Variants in DDX50 observed in about 807,000 individuals in gnomAD.
DDX50 encodes ATP-dependent RNA helicase DDX50.
Under a neutral mutation model 94.8 loss-of-function variants are expected in DDX50, and 56 were observed. The observed-to-expected ratio is 0.59, with a 90% CI of 0.48 to 0.74. The LOEUF is 0.74. Ranked by LOEUF, DDX50 falls within the 30% of genes least tolerant of loss-of-function variation. The probability of loss-of-function intolerance (pLI) is 0.00; values close to 1 mark genes in which losing one functional copy is unlikely to be tolerated. For missense variants in DDX50, 713 were observed against 881.2 expected (o/e 0.81, Z 2.42); for synonymous variants, 264 against 295.4 (o/e 0.89, Z 1.09).
intron 1 of DDX50, chr10:68,906,162 A>G (rs1445408338): frequency 6.6e-6 from 1 of 152,564 alleles, no homozygotes; most frequent in Admixed American, 6.5e-5. Flanking sequence ...AAATTTTGCC[A>G]TCAAATGAGT....
intron 1 of DDX50, among the ~76,000 whole-genome samples, chr10:68,904,621 C>T (rs1467075265): frequency 6.6e-6 from 1 of 152,162 alleles, no homozygotes; most frequent in Admixed American, 6.5e-5. Flanking sequence ...GAGTGCCAAG[C>T]ATTGTGGGTC....
chr10:68,926,225 CAGAT>C (rs948504225), intron 8 of DDX50, among the ~76,000 whole-genome samples: 4 of 124,192 alleles, frequency 3.2e-5, no homozygotes, highest in Admixed American at 1.8e-4. Context: ...CCTTTATAAA[CAGAT>C]AGATGGTAAA....
At chr10:68,907,403 C>T (rs1166620115) in intron 2 of DDX50, among the ~76,000 whole-genome samples, 3 of 149,660 alleles carry the variant, frequency 2.0e-5, no homozygotes, top group African/African-American at 4.9e-5. Context: ...GCAACCTCTG[C>T]CTCCCGGGTT....
chr10:68,901,534 G>C (rs1046729527), intron 1 of DDX50, 63 bp downstream of exon 1: 2 of 1,499,744 alleles, frequency 1.3e-6, no homozygotes, highest in Non-Finnish European at 1.8e-6. Context: ...GAGGGGAACT[G>C]TCTGTCCCTG....
At chr10:68,945,387 A>G (rs1842648240) in intron 14 of DDX50, among the ~76,000 whole-genome samples, 1 of 151,914 alleles carries the variant, frequency 6.6e-6, no homozygotes, top group African/African-American at 2.4e-5. Context: ...GCTCACTGCA[A>G]CCTCTGCCTC....
In DDX50 at chr10:68,920,038, G is replaced by A. The variant is rs569293444; in HGVS notation, c.1239+57G>A. ...AAATTATGGGGATGAATCACTGAAC[G>A]AAAATTATATTGTCCTTTGTGGACC... On this transcript the variant is annotated intron_variant, in intron 8 of 14. Transcript: ENST00000373585. 40 of 1,599,164 alleles carry A rather than the reference G, an allele frequency of 2.5e-5. 1 individual carries two copies. In the South Asian group the frequency reaches 3.2e-4, roughly 13 times the overall value.
chr10:68,907,551 A>C (rs1368635051), intron 2 of DDX50, among the ~76,000 whole-genome samples: 1 of 151,920 alleles, frequency 6.6e-6, no homozygotes, highest in Admixed American at 6.6e-5. Context: ...CCTGACCTCA[A>C]AGTGATCCAC....
intron 8 of DDX50, among the ~76,000 whole-genome samples, chr10:68,931,860 G>C (rs10400179): frequency 0.14 from 21,224 of 151,934 alleles, 2,889 homozygotes; most frequent in African/African-American, 0.36. Flanking sequence ...TCCCTTTTCA[G>C]TCTGTTCCAG....
rs371866571 is a variant in DDX50, at chr10:68,936,025, T to C, written c.1541T>C (p.Val514Ala). Residue 514 changes from valine to alanine, a missense_variant, in exon 11 of 15, where the codon GTA becomes GCA. Around this residue, in one of 2 missense-constraint regions of DDX50, gnomAD observed 428 missense variants for 602.3 expected, o/e 0.71. Coordinates refer to ENST00000373585, the MANE Select transcript of DDX50 (RefSeq NM_024045.2). ...TTTCAGGGAATTACTTTTAAACGTG[T>C]AGGTGTTCCTTCTACAATGGATTTA... ...EQKAGITFKRVGVPSTMDLVK... is the reference protein window; with the variant it reads ...EQKAGITFKRAGVPSTMDLVK... 6.2e-7 allele frequency: 1 copy of C among 1,609,630 alleles called. No homozygotes were observed. The highest frequency in any genetic ancestry group is 1.3e-5 in the African/African-American group (1 of 74,732).
At chr10:68,925,408 C>T (rs997852410) in intron 8 of DDX50, among the ~76,000 whole-genome samples, 3 of 152,066 alleles carry the variant, frequency 2.0e-5, no homozygotes, top group African/African-American at 7.2e-5. Context: ...CCGCGCCCAG[C>T]CTCTGCTTAT....
rs12416542 is a variant in DDX50, at chr10:68,929,315, T to C, written c.1240-4884T>C. Among the ~76,000 whole-genome samples, 1,099 of 128,092 alleles carry C rather than the reference T, an allele frequency of 8.6e-3. 11 individuals are homozygous for C. Among genetic ancestry groups the C allele is most frequent in the African/African-American group, 0.031 (1,003 of 31,954 alleles). The allele number at this position is 128,092 out of a possible 152,430, so 84.0% of individuals were successfully genotyped here. A position where few individuals can be genotyped will look rare whatever the true frequency, so the allele number is the denominator to read the frequency against. ...TTCCTCTCTCTCTCTCTCTCTCTCT[T>C]TCTTTCTCTTTCTTTCTTTCCTTCC... On this transcript the variant is annotated intron_variant, in intron 8 of 14. Transcript: ENST00000373585.
In DDX50 at chr10:68,913,522, G is replaced by T. The variant is rs1336780216; in HGVS notation, c.889G>T (p.Asp297Tyr). Residue 297 changes from aspartate (D) to tyrosine (Y), a missense_variant, in exon 6 of 15, where the codon GAT becomes TAT. Physicochemically the swap from Asp to Tyr is radical, Grantham distance 160. Coordinates refer to ENST00000373585, the MANE Select transcript of DDX50 (RefSeq NM_024045.2). ...GCTTGATGAAGTGGATCAGATGTTA[G>T]ATTTAGGTTTCGCTGAACAAGTTGA... ...VVLDEVDQML[D>Y]LGFAEQVEDI... 1.2e-6 allele frequency: 2 copies of T among 1,613,810 alleles called. No homozygotes were observed. Among genetic ancestry groups the T allele is most frequent in the Non-Finnish European group, 1.7e-6 (2 of 1,179,966 alleles).
intron 8 of DDX50, among the ~76,000 whole-genome samples, chr10:68,929,292 C>CCTTCCTTCCTTCCTTCCTTCCTTCCT (rs1554836333): frequency 8.2e-6 from 1 of 122,546 alleles, no homozygotes; most frequent in African/African-American, 3.1e-5. Context: ...TTCCTTCCTT[C>CCTTCCTTCCTTCCTTCCTTCCTTCCT]CTCTCTCTCT....
At position 68,914,171 on chromosome 10, in the gene DDX50, A is replaced by G. The variant is rs143250243; in HGVS notation, c.1056A>G (p.Gly352=). 1.9e-5 allele frequency: 30 copies of G among 1,610,270 alleles called. No individual in the cohort carries two copies. The African/African-American group carries it at 3.5e-4, about 19-fold the overall frequency. Residue 352 remains glycine, a synonymous_variant, in exon 7 of 15, where the codon GGA becomes GGG. Coordinates refer to ENST00000373585, the MANE Select transcript of DDX50 (RefSeq NM_024045.2). ...KSRYEQVDLV[G]KMTQKAATTV... ...GATATGAACAGGTTGACCTTGTTGG[A>G]AAAATGACTCAAAAGGCTGCAACTA...
Position 68,911,492 on chromosome 10 carries a change from A to T in DDX50, c.639+246A>T, listed in dbSNP as rs577781789. ...TAATTTCATGAATTATAAAGCCGGT[A>T]TATCTTATTTACAGTTTTTATATTT... On this transcript the variant is annotated intron_variant, in intron 4 of 14. Transcript: ENST00000373585. 5.3e-5 allele frequency among the ~76,000 whole-genome samples: 8 copies of T among 152,322 alleles called. No homozygotes were observed. The East Asian group carries it at 1.5e-3, about 29-fold the overall frequency.
rs1351103082 is a variant in DDX50 at position 68,901,430 on chromosome 10, C to T, written c.46C>T (p.Pro16Ser). The T allele has an allele frequency of 2.5e-6, 4 of 1,575,928 alleles. No homozygotes were observed. Among genetic ancestry groups the T allele is most frequent in the South Asian group, 1.2e-5 (1 of 85,684 alleles). ...GGGGGACATTATGGAGCTGGAAGCA[C>T]CCTTGGAGGAGTCCGAGAGCCAGAA... ...LWGDIMELEA[P>S]LEESESQKKE... Residue 16 changes from proline to serine, a missense_variant, in exon 1 of 15, where the codon CCC becomes TCC. Transcript: ENST00000373585.
chr10:68,932,716 T>C (rs907166796), intron 8 of DDX50, among the ~76,000 whole-genome samples: 8 of 152,130 alleles, frequency 5.3e-5, no homozygotes, highest in Non-Finnish European at 7.4e-5. Flanking sequence ...CTACCTAATA[T>C]AAATAGGTTC....
intron 7 of DDX50, among the ~76,000 whole-genome samples, chr10:68,919,520 T>C (rs1045412408): frequency 6.6e-6 from 1 of 152,256 alleles, no homozygotes; most frequent in African/African-American, 2.4e-5. Context: ...GGAATGATAC[T>C]GTATGTGCTC....
chr10:68,926,890 C>G (rs1055267033), intron 8 of DDX50, among the ~76,000 whole-genome samples: 3 of 151,276 alleles, frequency 2.0e-5, no homozygotes, highest in Admixed American at 1.3e-4. Flanking sequence ...CCTCTTAGGA[C>G]AAATTATCAA....
Sources: allele counts gnomAD v4.1 joint callset (sites outside exome capture counted in the v4.1 genomes callset), GRCh38; gene constraint gnomAD v4.1.1; regional missense constraint gnomAD v4.1.1; transcripts MANE v1.5; gene names NCBI Gene and HGNC (gene_info 2026-07-23, HGNC 2026-07-21).